Variants in FAM20B observed in about 807,000 individuals in gnomAD.
FAM20B encodes the protein FAM20B glycosaminoglycan xylosylkinase.
In FAM20B, 23 loss-of-function variants were observed where a neutral mutation model predicts 43.8. The ratio of observed to expected loss-of-function variants is 0.53; its 90% CI spans 0.38 to 0.74. The LOEUF (loss-of-function observed/expected upper bound fraction) is 0.74, where lower values mean the gene tolerates loss of function less well. Among genes scored for constraint, FAM20B ranks in the 30% least tolerant of loss-of-function variants. The pLI, the probability that FAM20B is intolerant of heterozygous loss-of-function variation, is 0.00. For missense variants in FAM20B, 440 were observed against 510.5 expected, an observed-to-expected ratio of 0.86 and a Z score of 1.33; for synonymous variants, 178 against 192.4, an observed-to-expected ratio of 0.93 and a Z score of 0.62.
intron 7 of FAM20B, among the ~76,000 whole-genome samples, 190 bp downstream of exon 7, chr1:179,067,049 C>G (rs1206034717): frequency 6.6e-6 from 1 of 151,910 alleles, no homozygotes. Context: ...TAACCCAAAG[C>G]TCAGAATTCA....
At position 179,037,358 on chromosome 1, in the gene FAM20B, C is replaced by CTTT. The variant is rs11389595; in HGVS notation, c.-133-6350_-133-6348dup. 2.8e-3 allele frequency among the ~76,000 whole-genome samples: 423 copies of CTTT among 150,492 alleles called. 6 individuals carry two copies. The highest frequency in any genetic ancestry group is 0.01 in the African/African-American group (412 of 40,908). On this transcript the variant is annotated intron_variant, in intron 1 of 7. Transcript: ENST00000263733. Reference sequence around the variant, plus strand: ...ACAAACATGAAAACTTGTTTAGTCTCTTTTTTTTTAACCTGCCCTCACTTA... The same window carrying CTTT: ...ACAAACATGAAAACTTGTTTAGTCTCTTTTTTTTTTTTAACCTGCCCTCACTTA...
chr1:179,071,043 C>T (rs1399209570), intron 7 of FAM20B, among the ~76,000 whole-genome samples: 1 of 151,634 alleles, frequency 6.6e-6, no homozygotes, highest in Admixed American at 6.6e-5. Flanking sequence ...GCCTGTAATC[C>T]CAGCACTTTG....
intron 3 of FAM20B, among the ~76,000 whole-genome samples, chr1:179,053,000 T>A (rs1026261680): frequency 6.6e-6 from 1 of 152,252 alleles, no homozygotes; most frequent in Non-Finnish European, 1.5e-5. Context: ...TCCCCATTAC[T>A]GGCAAAGTTT....
the FAM20B span, among the ~76,000 whole-genome samples, chr1:179,019,740 G>A: frequency 6.6e-6 from 1 of 152,140 alleles, no homozygotes; most frequent in African/African-American, 2.4e-5. Flanking sequence ...GAGATTACAG[G>A]TGTGGGCCAC....
intron 7 of FAM20B, among the ~76,000 whole-genome samples, chr1:179,070,713 C>T (rs1253076809): frequency 1.3e-5 from 2 of 151,206 alleles, no homozygotes; most frequent in African/African-American, 4.9e-5. Flanking sequence ...TTAGTAGAGA[C>T]GGGGTTTTAC....
At chr1:179,056,133 C>A (rs558703666) in intron 4 of FAM20B, among the ~76,000 whole-genome samples, 3 of 152,196 alleles carry the variant, frequency 2.0e-5, no homozygotes, top group Non-Finnish European at 4.4e-5. Context: ...CACACTGACA[C>A]ATCATAATCA....
upstream of FAM20B, among the ~76,000 whole-genome samples, chr1:179,023,197 C>T (rs1649634535): frequency 6.6e-6 from 1 of 152,190 alleles, no homozygotes; most frequent in African/African-American, 2.4e-5. Flanking sequence ...GGGCTAATAT[C>T]CATCCTTCTG....
At chr1:179,034,652 A>G (rs1180672497) in intron 1 of FAM20B, among the ~76,000 whole-genome samples, 1 of 152,204 alleles carries the variant, frequency 6.6e-6, no homozygotes, top group Non-Finnish European at 1.5e-5. Context: ...TTTTAGTCAA[A>G]CCAATAATTA....
intron 4 of FAM20B, among the ~76,000 whole-genome samples, chr1:179,058,033 A>G (rs1232086460): frequency 6.6e-6 from 1 of 152,228 alleles, no homozygotes; most frequent in East Asian, 1.9e-4. Flanking sequence ...CCTTTCTAAA[A>G]ATAAAGGTTT....
intron 1 of FAM20B, among the ~76,000 whole-genome samples, chr1:179,028,309 C>G (rs963573907): frequency 2.0e-5 from 3 of 152,322 alleles, no homozygotes. Context: ...GTTGGTCGGG[C>G]GCGGTGGCTT....
At chr1:179,067,461 C>T (rs748712585) in intron 7 of FAM20B, among the ~76,000 whole-genome samples, 9 of 152,028 alleles carry the variant, frequency 5.9e-5, no homozygotes, top group Non-Finnish European at 1.0e-4. Context: ...AAAAATGAGC[C>T]GGGCATGGTG....
intron 3 of FAM20B, among the ~76,000 whole-genome samples, chr1:179,051,444 G>GA (rs1390485811): frequency 6.6e-6 from 1 of 151,946 alleles, no homozygotes; most frequent in African/African-American, 2.4e-5. Context: ...GGACAACATG[G>GA]AGAAGCCCCG....
In FAM20B at chr1:179,074,730, T is replaced by C. The variant is rs1162516132; in HGVS notation, c.*2586T>C. On this transcript the variant is annotated 3_prime_UTR_variant, in exon 8 of 8. Coordinates refer to ENST00000263733, the MANE Select transcript of FAM20B (RefSeq NM_014864.4). ...AGAACTCTAATCCATAAAGTTAGAA[T>C]TGAGCTAATAGAGTGGTATGACATG... is the stretch of plus-strand genomic sequence containing the variant. 1 of 152,248 alleles carries C rather than the reference T, an allele frequency of 6.6e-6. No individual in the cohort carries two copies. Among genetic ancestry groups the C allele is most frequent in the Non-Finnish European group, 1.5e-5 (1 of 68,052 alleles). The allele number at this position is 152,248 out of a possible 1,614,324, so 9.4% of individuals were successfully genotyped here.
intron 2 of FAM20B, among the ~76,000 whole-genome samples, chr1:179,048,025 G>T (rs1279455635): frequency 6.6e-6 from 1 of 152,056 alleles, no homozygotes; most frequent in East Asian, 1.9e-4. Flanking sequence ...ATAGGTAGAT[G>T]ATATATATGG....
chr1:179,066,650 C>G (rs1051494113), intron 6 of FAM20B, 150 bp from the exon 7 acceptor site: 21 of 634,602 alleles, frequency 3.3e-5, no homozygotes, highest in Non-Finnish European at 5.9e-5. Flanking sequence ...GGTCATGCCC[C>G]GCTTGTTTTC....
upstream of FAM20B, among the ~76,000 whole-genome samples, chr1:179,022,106 G>T (rs1034043426): frequency 6.6e-6 from 1 of 152,170 alleles, no homozygotes; most frequent in Non-Finnish European, 1.5e-5. Flanking sequence ...AGCAAGAGGC[G>T]GGCTGGGAGT....
intron 1 of FAM20B, among the ~76,000 whole-genome samples, chr1:179,034,510 CA>C (rs984333025): frequency 1.3e-5 from 2 of 152,128 alleles, no homozygotes; most frequent in Non-Finnish European, 2.9e-5. Flanking sequence ...GTTAGGATTA[CA>C]GGTGTAAACC....
chr1:179,030,261 T>A (rs1015918610), intron 1 of FAM20B, among the ~76,000 whole-genome samples: 1 of 152,078 alleles, frequency 6.6e-6, no homozygotes, highest in African/African-American at 2.4e-5. Context: ...ATAGTGAACG[T>A]GTGCTCTGTA....
intron 1 of FAM20B, among the ~76,000 whole-genome samples, chr1:179,027,938 T>C (rs4652345): frequency 0.065 from 9,820 of 152,220 alleles, 347 homozygotes; most frequent in Non-Finnish European, 0.071. Context: ...GTTAAATTGA[T>C]AATTCCTTGA....
Sources: allele counts gnomAD v4.1 joint callset (sites outside exome capture counted in the v4.1 genomes callset), GRCh38; gene constraint gnomAD v4.1.1; transcripts MANE v1.5; gene names NCBI Gene and HGNC (gene_info 2026-07-23, HGNC 2026-07-21).